Variants in PCDHA5 observed in about 807,000 individuals in gnomAD.
PCDHA5 encodes the protein protocadherin alpha 5.
In PCDHA5, 43 loss-of-function variants were observed where a neutral mutation model predicts 61.6. The observed-to-expected ratio is 0.70, with a 90% CI of 0.55 to 0.90. The LOEUF (loss-of-function observed/expected upper bound fraction) is 0.90. Ranked by LOEUF, PCDHA5 falls within the 40% of genes least tolerant of loss-of-function variation. PCDHA5 has a pLI of 0.00. For missense variants in PCDHA5, 1,298 were observed against 1,222.7 expected (o/e 1.06, Z -0.92); for synonymous variants, 627 against 543.9 (o/e 1.15, Z -2.13).
intron 1 of PCDHA5, chr5:140,825,213 G>T (rs989046877): frequency 6.6e-6 from 1 of 151,464 alleles, no homozygotes; most frequent in African/African-American, 2.4e-5. Context: ...TACTGAAGTA[G>T]ATTTGTTTTT....
intron 1 of PCDHA5, among the ~76,000 whole-genome samples, chr5:140,948,999 ATT>A (rs782571922): frequency 1.3e-5 from 2 of 151,708 alleles, no homozygotes; most frequent in Non-Finnish European, 3.0e-5. Flanking sequence ...CATTTTACTA[ATT>A]TTTATATGTG....
At chr5:140,935,767 T>C (rs1373324342) in intron 1 of PCDHA5, among the ~76,000 whole-genome samples, 2 of 152,184 alleles carry the variant, frequency 1.3e-5, no homozygotes, top group Non-Finnish European at 2.9e-5. Flanking sequence ...TCTTCCCCAC[T>C]TTGAGTTTTT....
intron 1 of PCDHA5, chr5:140,841,504 G>T (rs2150316836): frequency 1.2e-6 from 2 of 1,613,362 alleles, no homozygotes; most frequent in East Asian, 4.5e-5. Context: ...AGCTGGTGCC[G>T]CGCCTGTTCC....
chr5:140,982,354 A>G, intron 2 of PCDHA5, 121 bp from the exon 3 acceptor site: 2 of 1,512,522 alleles, frequency 1.3e-6, no homozygotes, highest in East Asian at 2.4e-5. Flanking sequence ...CAGTTCAAGC[A>G]TGAGCAGAAT....
intron 1 of PCDHA5, chr5:140,870,783 C>A: frequency 6.2e-7 from 1 of 1,613,598 alleles, no homozygotes; most frequent in Non-Finnish European, 8.5e-7. Context: ...AGAACGACAA[C>A]GCGCCGGCAC....
chr5:140,860,155 A>G (rs1159738413), intron 1 of PCDHA5: 2 of 149,648 alleles, frequency 1.3e-5, no homozygotes, highest in African/African-American at 4.9e-5. Flanking sequence ...ATATATGTGT[A>G]TATATATATG....
At chr5:140,824,286 AG>A in intron 1 of PCDHA5, 159 bp downstream of exon 1, 1 of 1,021,950 alleles carries the variant, frequency 9.8e-7, no homozygotes, top group East Asian at 2.4e-5. Flanking sequence ...GCTTTTTATG[AG>A]GCTTTTCTGC....
At chr5:140,832,642 C>A (rs1554133590) in intron 1 of PCDHA5, among the ~76,000 whole-genome samples, 1 of 152,106 alleles carries the variant, frequency 6.6e-6, no homozygotes, top group African/African-American at 2.4e-5. Flanking sequence ...CTAGGAGGGT[C>A]TTTAAGAGTA....
In PCDHA5 at chr5:140,823,676, G is replaced by A. The variant is rs2150128163; in HGVS notation, c.1901G>A (p.Arg634His). The A allele has an allele frequency of 1.9e-6, 3 of 1,614,042 alleles. No individual in the cohort carries two copies. Among genetic ancestry groups the A allele is most frequent in the Non-Finnish European group, 2.5e-6 (3 of 1,179,960 alleles). Residue 634 changes from arginine (R) to histidine (H), a missense_variant, in exon 1 of 4, where the codon CGC becomes CAC. Arg to His is a conservative substitution (Grantham distance 29). Transcript: ENST00000529859. The stretch of plus-strand genomic sequence containing the variant: ...TACACAGGCGAGATCAGCACAACAC[G>A]CTCTCTGGATGAGACCGAAGCACCG... ...GLYTGEISTT[R>H]SLDETEAPRH... is the part of the protein sequence containing the mutation.
chr5:140,993,508 ACG>A (rs2097567607), intron 3 of PCDHA5, among the ~76,000 whole-genome samples: 1 of 147,006 alleles, frequency 6.8e-6, no homozygotes, highest in Non-Finnish European at 1.5e-5. Context: ...ACACACACAC[ACG>A]GGGAGAGAGA....
intron 1 of PCDHA5, chr5:140,969,438 C>G: frequency 6.5e-7 from 1 of 1,546,540 alleles, no homozygotes; most frequent in African/African-American, 1.4e-5. Flanking sequence ...CAAGAGTTAT[C>G]TGGTAAACTG....
At chr5:140,943,019 G>A (rs1554215345) in intron 1 of PCDHA5, among the ~76,000 whole-genome samples, 1 of 152,068 alleles carries the variant, frequency 6.6e-6, no homozygotes, top group Non-Finnish European at 1.5e-5. Flanking sequence ...CACTTTGGGA[G>A]GCTGAGGTGG....
At chr5:140,884,137 C>T (rs782067447) in intron 1 of PCDHA5, 4 of 1,613,402 alleles carry the variant, frequency 2.5e-6, no homozygotes, top group Middle Eastern at 1.7e-4. Context: ...TCCCGTTCCG[C>T]GTGGGGCTGT....
At chr5:140,859,744 T>C (rs1554152696) in intron 1 of PCDHA5, 2 of 154,298 alleles carry the variant, frequency 1.3e-5, no homozygotes, top group African/African-American at 2.4e-5. Context: ...AAGCATGGCA[T>C]TCTTTCAGTG....
At chr5:140,849,071 T>C (rs2150430032) in intron 1 of PCDHA5, 1 of 1,532,554 alleles carries the variant, frequency 6.5e-7, no homozygotes, top group Non-Finnish European at 8.9e-7. Flanking sequence ...TAAAACCTCT[T>C]GGACTTGTAT....
At chr5:141,005,130 T>C (rs2153983471) in intron 3 of PCDHA5, among the ~76,000 whole-genome samples, 1 of 152,358 alleles carries the variant, frequency 6.6e-6, no homozygotes, top group South Asian at 2.1e-4. Flanking sequence ...CAAAAGTGCC[T>C]CATTGGAGAG....
rs2098418669 is a variant in PCDHA5 at position 141,010,882 on chromosome 5, G to C, written c.*945G>C. On this transcript the variant is annotated 3_prime_UTR_variant, in exon 4 of 4. Transcript: ENST00000529859. ...GTCTATAGCTATAAATCTTTAAAGAGAAATATGAATACAATTCCCCTAAAC... is the reference window on the plus strand; with the variant it reads ...GTCTATAGCTATAAATCTTTAAAGACAAATATGAATACAATTCCCCTAAAC... The C allele has an allele frequency of 6.5e-6, 1 of 153,674 alleles. No homozygotes were observed. The allele number at this position is 153,674 out of a possible 1,614,324, so 9.5% of individuals were successfully genotyped here.
intron 1 of PCDHA5, among the ~76,000 whole-genome samples, chr5:140,879,750 A>G (rs1554170976): frequency 1.3e-5 from 2 of 152,216 alleles, no homozygotes; most frequent in Non-Finnish European, 2.9e-5. Context: ...TGTCAAGGCT[A>G]TACTCTCTTT....
chr5:140,939,424 A>G lies in PCDHA5; in HGVS notation c.2353-39525A>G, dbSNP rs186047779. 5.0e-4 allele frequency among the ~76,000 whole-genome samples: 76 copies of G among 152,290 alleles called. 1 individual carries two copies. Among genetic ancestry groups the G allele is most frequent in the Admixed American group, 1.3e-4 (2 of 15,302 alleles). On this transcript the variant is annotated intron_variant, in intron 1 of 3. Coordinates refer to ENST00000529859, the MANE Select transcript of PCDHA5 (RefSeq NM_018908.3). ...GTGTAAATCAGCATTTTTTTCTTCC[A>G]TAAGCATTTGAAGAATTAAGAGTGA...
Sources: gnomAD v4.1 joint callset for allele counts (sites outside exome capture counted in the v4.1 genomes callset) on GRCh38, gnomAD v4.1.1 for gene constraint, MANE v1.5 for transcripts, NCBI Gene and HGNC (gene_info 2026-07-23, HGNC 2026-07-21) for gene names.